The following MAP3K19 variants were observed in gnomAD, a reference collection of about 807,000 sequenced individuals.
MAP3K19 encodes the protein SPS1/STE20-related protein kinase YSK4.
MAP3K19 carries 91 observed loss-of-function variants against 114.4 expected under a neutral mutation model. That is an observed-to-expected ratio of 0.80 (90% CI 0.67 to 0.95). The LOEUF is 0.95. Ranked by LOEUF, MAP3K19 falls within the 40% of genes least tolerant of loss-of-function variation. The pLI is 0.00. For missense variants in MAP3K19, 1,471 were observed against 1,573.2 expected (o/e 0.94, Z 1.10); for synonymous variants, 518 against 530.5 (o/e 0.98, Z 0.32).
intron 12 of MAP3K19, among the ~76,000 whole-genome samples, chr2:134,978,151 A>G (rs549083092): frequency 2.0e-5 from 3 of 151,044 alleles, no homozygotes; most frequent in Admixed American, 1.3e-4. Flanking sequence ...CCTCAGCCCT[A>G]TAATTTTGTT....
intron 4 of MAP3K19, among the ~76,000 whole-genome samples, chr2:135,022,105 T>C (rs1402001340): frequency 6.6e-6 from 1 of 152,146 alleles, no homozygotes; most frequent in African/African-American, 2.4e-5. Context: ...TAGTTTGAGA[T>C]TTTGAGCAAG....
intron 11 of MAP3K19, 35 bp from the exon 12 acceptor site, chr2:134,981,553 T>G: frequency 6.7e-7 from 1 of 1,485,252 alleles, no homozygotes; most frequent in Non-Finnish European, 9.2e-7. Flanking sequence ...GTTATTAAAT[T>G]AATGACATAA....
intron 2 of MAP3K19, among the ~76,000 whole-genome samples, chr2:135,033,710 A>C (rs377334400): frequency 4.0e-5 from 3 of 75,922 alleles, no homozygotes; most frequent in Admixed American, 1.4e-4. Context: ...AACCCCCCCC[A>C]CCTCCCTCCC....
At chr2:134,965,037 G>C (rs893103290) in intron 12 of MAP3K19, 121 bp from the exon 13 acceptor site, 1 of 715,422 alleles carries the variant, frequency 1.4e-6, no homozygotes, top group African/African-American at 1.8e-5. Context: ...AACAGACTTG[G>C]GTTGAGTCCA....
At chr2:134,985,767 C>A (rs781301193) in intron 10 of MAP3K19, 33 bp downstream of exon 10, 1 of 1,540,906 alleles carries the variant, frequency 6.5e-7, no homozygotes, top group Non-Finnish European at 8.7e-7. Flanking sequence ...GTCCTTCCCA[C>A]CCCAATGAAT....
At chr2:135,002,926 C>T (rs935535793) in intron 6 of MAP3K19, among the ~76,000 whole-genome samples, 7 of 152,134 alleles carry the variant, frequency 4.6e-5, no homozygotes, top group South Asian at 2.1e-4. Flanking sequence ...TGTCCCCCAC[C>T]GCACATTAAT....
At chr2:135,006,507 T>A (rs1240540538) in intron 5 of MAP3K19, among the ~76,000 whole-genome samples, 3 of 152,196 alleles carry the variant, frequency 2.0e-5, no homozygotes, top group Admixed American at 1.3e-4. Context: ...ATTTTAATTG[T>A]CGTAGCAAAT....
Position 134,986,013 on chromosome 2 carries a change from G to A in MAP3K19, c.2859C>T (p.Ser953=). The change falls in exon 10 of 13, where the codon TCC becomes TCT. Residue 953 remains serine (S), a synonymous_variant. Coordinates refer to ENST00000392915, the MANE Select transcript of MAP3K19 (RefSeq NM_025052.5). The part of the protein sequence containing the change: ...GKTLSGTNSI[S]QEIMDSVNNE... ...TATTTACAGAGTCCATAATTTCTTG[G>A]GAAATTGAATTTGTGCCACTTAAGG... 1.2e-6 allele frequency: 2 copies of A among 1,612,842 alleles called. No homozygotes were observed. Among genetic ancestry groups the A allele is most frequent in the Non-Finnish European group, 1.7e-6 (2 of 1,179,600 alleles).
chr2:135,032,663 G>T (rs1343067667), intron 2 of MAP3K19, among the ~76,000 whole-genome samples: 1 of 146,164 alleles, frequency 6.8e-6, no homozygotes, highest in African/African-American at 2.5e-5. Flanking sequence ...TCTCGCAGAG[G>T]GGGAGTTGGC....
Position 134,981,352 on chromosome 2 carries a change from C to T in MAP3K19, c.3389G>A (p.Cys1130Tyr). 1 of 1,614,212 alleles carries T rather than the reference C, an allele frequency of 6.2e-7. No homozygotes were observed. Among genetic ancestry groups the T allele is most frequent in the South Asian group, 1.1e-5 (1 of 91,082 alleles). The change falls in exon 12 of 13, where the codon TGC becomes TAC. Residue 1130 changes from cysteine (C) to tyrosine (Y), a missense_variant. Cys to Tyr is a radical substitution (Grantham distance 194, BLOSUM62 -2). Coordinates refer to ENST00000392915, the MANE Select transcript of MAP3K19 (RefSeq NM_025052.5). ...HVNIVAYLGT[C>Y]LQENTVSIFM... Reference sequence around the variant, plus strand: ...AATGCTCACAGTGTTCTCTTGCAAGCATGTCCCCAAATAGGCCACAATGTT... The same window carrying T: ...AATGCTCACAGTGTTCTCTTGCAAGTATGTCCCCAAATAGGCCACAATGTT...
chr2:135,035,529 G>A (rs111999573), intron 2 of MAP3K19, among the ~76,000 whole-genome samples: 5 of 152,150 alleles, frequency 3.3e-5, no homozygotes, highest in African/African-American at 1.2e-4. Context: ...AAAGGATATC[G>A]GGTTTCTTTT....
intron 1 of MAP3K19, among the ~76,000 whole-genome samples, chr2:135,046,080 AT>A (rs1688735008): frequency 6.6e-6 from 1 of 152,016 alleles, no homozygotes; most frequent in African/African-American, 2.4e-5. Context: ...GCACAGCACT[AT>A]GCCCCGCTAG....
chr2:134,987,788 C>T lies in MAP3K19; in HGVS notation c.1084G>A (p.Glu362Lys), dbSNP rs1457326347. ...HGSKTRKPEE[E>K]NSQYLSSRKN... ...CTTGATGAAAGATATTGAGAGTTCT[C>T]TTCTTCAGGTTTTCGCGTTTTACTA... The change falls in exon 10 of 13, where the codon GAG becomes AAG. Residue 362 changes from glutamate (E) to lysine (K), a missense_variant. By Grantham distance (56) the Glu-to-Lys change is moderately conservative (BLOSUM62 1). Transcript: ENST00000392915. 5 of 1,607,496 alleles carry T rather than the reference C, an allele frequency of 3.1e-6. No homozygotes were observed. Among genetic ancestry groups the T allele is most frequent in the Non-Finnish European group, 4.2e-6 (5 of 1,180,012 alleles).
intron 1 of MAP3K19, among the ~76,000 whole-genome samples, chr2:135,041,343 T>C (rs1041085552): frequency 7.2e-5 from 11 of 152,050 alleles, no homozygotes; most frequent in African/African-American, 2.7e-4. Flanking sequence ...GGAACCTTTT[T>C]TTTTTTTTTA....
chr2:134,988,994 CG>C (rs1685371419), intron 9 of MAP3K19, among the ~76,000 whole-genome samples: 1 of 152,096 alleles, frequency 6.6e-6, no homozygotes, highest in East Asian at 1.9e-4. Flanking sequence ...AATTCATATC[CG>C]AAACACAACT....
At chr2:134,995,030 A>G (rs1685877470) in intron 8 of MAP3K19, among the ~76,000 whole-genome samples, 1 of 152,182 alleles carries the variant, frequency 6.6e-6, no homozygotes, top group Non-Finnish European at 1.5e-5. Flanking sequence ...AAAGCAAGGA[A>G]GCCAGGCAAG....
intron 8 of MAP3K19, among the ~76,000 whole-genome samples, chr2:134,991,927 C>T (rs989494421): frequency 4.6e-5 from 7 of 152,182 alleles, no homozygotes; most frequent in Non-Finnish European, 1.0e-4. Context: ...GGGTGTTGAC[C>T]TGCACAGCTG....
At chr2:135,010,270 C>G (rs1687128958) in intron 5 of MAP3K19, among the ~76,000 whole-genome samples, 1 of 152,096 alleles carries the variant, frequency 6.6e-6, no homozygotes, top group East Asian at 1.9e-4. Flanking sequence ...GTATCACAAT[C>G]AAAAAGGATG....
chr2:134,986,331 G>A lies in MAP3K19; in HGVS notation c.2541C>T (p.Ile847=), dbSNP rs756523358. The A allele has an allele frequency of 1.9e-6, 3 of 1,613,724 alleles. No individual in the cohort carries two copies. Among genetic ancestry groups the A allele is most frequent in the South Asian group, 2.2e-5 (2 of 91,018 alleles). Reference sequence around the variant, plus strand: ...AGCTGTCTTCTGAAGGGATAAATGGGATCTGGTGATGTAGCTCTTCAAGTT... The same window carrying A: ...AGCTGTCTTCTGAAGGGATAAATGGAATCTGGTGATGTAGCTCTTCAAGTT... ...LQELEELHHQ[I]PFIPSEDSWA... is the part of the protein sequence containing the mutation. Residue 847 remains isoleucine (I), a synonymous_variant, in exon 10 of 13, where the codon ATC becomes ATT. Transcript: ENST00000392915.
Sources: allele counts gnomAD v4.1 joint callset (sites outside exome capture counted in the v4.1 genomes callset), GRCh38; gene constraint gnomAD v4.1.1; transcripts MANE v1.5; gene names NCBI Gene and HGNC (gene_info 2026-07-23, HGNC 2026-07-21).